Variants in GPC6 observed in about 807,000 individuals in gnomAD.
GPC6 encodes glypican 6, also known as glypican-6.
Under a neutral mutation model 55.2 loss-of-function variants are expected in GPC6, and 14 were observed. The ratio of observed to expected loss-of-function variants is 0.25; its 90% CI spans 0.17 to 0.40. The LOEUF (loss-of-function observed/expected upper bound fraction) is 0.40. Ranked by LOEUF, GPC6 falls within the 10% of genes least tolerant of loss-of-function variation. The pLI is 1.00. For synonymous variants in GPC6, 278 were observed against 259.6 expected (o/e 1.07, Z -0.68); for missense variants, 641 against 708.5 (o/e 0.90, Z 1.08).
At chr13:93,439,474 A>T (rs1171873066) in intron 1 of GPC6, among the ~76,000 whole-genome samples, 4 of 152,054 alleles carry the variant, frequency 2.6e-5, no homozygotes, top group Non-Finnish European at 5.9e-5. Flanking sequence ...CATGTAAGAC[A>T]TTCCTTGCTC....
chr13:93,881,618 T>G (rs1874978307), intron 3 of GPC6, among the ~76,000 whole-genome samples: 1 of 152,106 alleles, frequency 6.6e-6, no homozygotes, highest in South Asian at 2.1e-4. Context: ...GCCCTCTCAG[T>G]GGACAGAGCT....
chr13:94,402,521 G>GA (rs367652680), intron 8 of GPC6, among the ~76,000 whole-genome samples: 9 of 152,128 alleles, frequency 5.9e-5, no homozygotes, highest in African/African-American at 2.2e-4. Context: ...TAGGGTGGGG[G>GA]ACCATGGATG....
intron 2 of GPC6, among the ~76,000 whole-genome samples, chr13:93,676,793 G>A (rs1217727249): frequency 6.6e-6 from 1 of 152,046 alleles, no homozygotes; most frequent in Non-Finnish European, 1.5e-5. Flanking sequence ...TTTATGGATT[G>A]ATAGGGCATT....
chr13:93,825,319 C>T (rs1161318193), intron 2 of GPC6, among the ~76,000 whole-genome samples: 2 of 152,118 alleles, frequency 1.3e-5, no homozygotes, highest in Admixed American at 1.3e-4. Context: ...AACCCCTGCC[C>T]AAAGAAAGAA....
intron 1 of GPC6, among the ~76,000 whole-genome samples, chr13:93,466,698 T>A (rs2813637): frequency 0.94 from 143,566 of 152,240 alleles, 68,197 homozygotes; most frequent in Non-Finnish European, 1. Context: ...AGAATACGCA[T>A]TCTAGTATAT....
intron 4 of GPC6, among the ~76,000 whole-genome samples, chr13:94,117,835 T>C (rs1018699783): frequency 6.6e-6 from 1 of 152,104 alleles, no homozygotes; most frequent in Non-Finnish European, 1.5e-5. Flanking sequence ...TGGTTTTTCA[T>C]AGGTGAAGAT....
At chr13:94,173,911 T>C (rs368529493) in intron 4 of GPC6, among the ~76,000 whole-genome samples, 2 of 152,196 alleles carry the variant, frequency 1.3e-5, no homozygotes, top group East Asian at 3.9e-4. Flanking sequence ...GGTAACGTAA[T>C]TGCAAAGTGC....
At chr13:93,489,666 C>A (rs939840361) in intron 1 of GPC6, among the ~76,000 whole-genome samples, 7 of 151,572 alleles carry the variant, frequency 4.6e-5, no homozygotes, top group Non-Finnish European at 1.0e-4. Context: ...GTTTGTAGTT[C>A]TCCTTGAAGA....
At chr13:94,169,936 A>G (rs1373802774) in intron 4 of GPC6, among the ~76,000 whole-genome samples, 4 of 152,168 alleles carry the variant, frequency 2.6e-5, no homozygotes, top group Non-Finnish European at 5.9e-5. Context: ...AAGTTGGATG[A>G]GAAGTGAAGA....
chr13:93,288,843 G>A (rs1332735089), intron 1 of GPC6, among the ~76,000 whole-genome samples: 3 of 152,170 alleles, frequency 2.0e-5, no homozygotes, highest in African/African-American at 4.8e-5. Flanking sequence ...GATTGAAGGG[G>A]TTACAGGTGT....
At chr13:94,089,465 G>A (rs1360303758) in intron 4 of GPC6, among the ~76,000 whole-genome samples, 2 of 152,160 alleles carry the variant, frequency 1.3e-5, no homozygotes, top group Admixed American at 6.5e-5. Flanking sequence ...GGCAGCCTTG[G>A]TATCAACACT....
At chr13:93,672,680 CATAT>C (rs200452814) in intron 2 of GPC6, among the ~76,000 whole-genome samples, 2 of 147,728 alleles carry the variant, frequency 1.4e-5, no homozygotes, top group Non-Finnish European at 3.0e-5. Context: ...CACACACAAA[CATAT>C]ATATATATAT....
chr13:93,229,321 C>T (rs1435580422), intron 1 of GPC6, among the ~76,000 whole-genome samples: 1 of 150,912 alleles, frequency 6.6e-6, no homozygotes, highest in Admixed American at 6.6e-5. Flanking sequence ...CTTCTAGGAA[C>T]TTTTTCTCCT....
At chr13:93,665,981 A>G (rs1435703762) in intron 2 of GPC6, among the ~76,000 whole-genome samples, 3 of 152,196 alleles carry the variant, frequency 2.0e-5, no homozygotes, top group Admixed American at 6.5e-5. Flanking sequence ...TCCTTTAACA[A>G]TTAGGCAATT....
chr13:93,855,501 G>A (rs1224870968), intron 3 of GPC6, among the ~76,000 whole-genome samples: 1 of 151,668 alleles, frequency 6.6e-6, no homozygotes, highest in Non-Finnish European at 1.5e-5. Context: ...TCTGCATGGA[G>A]GTTTTTGTGT....
At position 93,649,470 on chromosome 13, in the gene GPC6, T is replaced by C. The variant is rs373787137; in HGVS notation, c.319+104049T>C. On this transcript the variant is annotated intron_variant, in intron 2 of 8. Coordinates refer to ENST00000377047, the MANE Select transcript of GPC6 (RefSeq NM_005708.5). ...ATCTCAGCTCATGTTTTAGCTCATG[T>C]TGTGAAATAGACTCTAAATCAAACA... Among the ~76,000 whole-genome samples the C allele has an allele frequency of 6.5e-4, 99 of 152,268 alleles. 2 individuals carry two copies. The South Asian group carries it at 0.019, about 30-fold the overall frequency.
At chr13:93,895,275 TA>T (rs2140321940) in intron 3 of GPC6, among the ~76,000 whole-genome samples, 1 of 132,294 alleles carries the variant, frequency 7.6e-6, no homozygotes, top group South Asian at 2.3e-4. Flanking sequence ...TATATATATA[TA>T]TGTAACTGTT....
intron 3 of GPC6, among the ~76,000 whole-genome samples, chr13:94,021,942 G>T (rs912469825): frequency 1.3e-5 from 2 of 151,850 alleles, no homozygotes; most frequent in Non-Finnish European, 2.9e-5. Flanking sequence ...AACTAATATT[G>T]TAAAAGATTA....
intron 2 of GPC6, among the ~76,000 whole-genome samples, chr13:93,612,154 G>A (rs1008618765): frequency 6.6e-6 from 1 of 152,260 alleles, no homozygotes; most frequent in African/African-American, 2.4e-5. Flanking sequence ...ACGGCGTAAA[G>A]TGAATTGTGT....
Sources: gnomAD v4.1 joint callset for allele counts (sites outside exome capture counted in the v4.1 genomes callset) on GRCh38, gnomAD v4.1.1 for gene constraint, MANE v1.5 for transcripts, NCBI Gene and HGNC (gene_info 2026-07-23, HGNC 2026-07-21) for gene names.